Variants in ITGA8 observed in about 807,000 individuals in gnomAD.
ITGA8 encodes the protein integrin alpha-8.
A neutral mutation model predicts 142.3 loss-of-function variants in ITGA8; 91 were observed. The observed-to-expected ratio is 0.64, with a 90% CI of 0.54 to 0.76. The LOEUF (loss-of-function observed/expected upper bound fraction) is 0.76. Among genes scored for constraint, ITGA8 ranks in the 30% least tolerant of loss-of-function variants. ITGA8 has a pLI of 0.00. For missense variants in ITGA8, 1,406 were observed against 1,327.7 expected, an observed-to-expected ratio of 1.06 and a Z score of -0.92; for synonymous variants, 505 against 485.2, an observed-to-expected ratio of 1.04 and a Z score of -0.54.
chr10:15,631,052 T>C (rs549529567), intron 13 of ITGA8, among the ~76,000 whole-genome samples: 4 of 152,136 alleles, frequency 2.6e-5, no homozygotes, highest in Admixed American at 2.6e-4. Flanking sequence ...TTTAAGTTCC[T>C]TATAGATTCT....
At chr10:15,699,858 A>C (rs1219550847) in intron 2 of ITGA8, among the ~76,000 whole-genome samples, 1 of 152,172 alleles carries the variant, frequency 6.6e-6, no homozygotes, top group Non-Finnish European at 1.5e-5. Flanking sequence ...AGTCTAGATG[A>C]CCATGGAATG....
At chr10:15,531,505 A>T (rs1470465195) in intron 27 of ITGA8, among the ~76,000 whole-genome samples, 1 of 152,258 alleles carries the variant, frequency 6.6e-6, no homozygotes, top group Non-Finnish European at 1.5e-5. Context: ...AAAAACAGAA[A>T]ATCAGAGTCC....
In ITGA8 at chr10:15,544,306, A is replaced by C. The variant is rs531903586; in HGVS notation, c.2880+4149T>G. On this transcript the variant is annotated intron_variant, in intron 27 of 29. Transcript: ENST00000378076. ...TAGTGAGACCCTGTCTCTACCAAAA[A>C]AAAACAAAACAAAACAACAACAACA... 4.2e-4 allele frequency among the ~76,000 whole-genome samples: 64 copies of C among 152,164 alleles called. 1 individual carries two copies. The highest frequency in any genetic ancestry group is 3.4e-3 in the Middle Eastern group (1 of 294).
intron 11 of ITGA8, among the ~76,000 whole-genome samples, chr10:15,648,577 A>C (rs1834029525): frequency 6.6e-6 from 1 of 151,884 alleles, no homozygotes; most frequent in African/African-American, 2.4e-5. Flanking sequence ...TATGTATAAA[A>C]ATATATCTTA....
intron 2 of ITGA8, among the ~76,000 whole-genome samples, chr10:15,716,953 C>G (rs576890050): frequency 6.6e-6 from 1 of 152,288 alleles, no homozygotes; most frequent in South Asian, 2.1e-4. Flanking sequence ...TAAGCCACCA[C>G]GCCTGGCCTA....
intron 8 of ITGA8, among the ~76,000 whole-genome samples, chr10:15,666,627 T>C (rs375848878): frequency 3.9e-5 from 6 of 152,112 alleles, no homozygotes; most frequent in Admixed American, 3.3e-4. Flanking sequence ...CCAGTTTTTG[T>C]CCATTCAGTA....
chr10:15,680,446 G>A (rs1041420062), intron 4 of ITGA8, among the ~76,000 whole-genome samples: 1 of 151,520 alleles, frequency 6.6e-6, no homozygotes, highest in Admixed American at 6.6e-5. Context: ...ATGATTTATG[G>A]TCATGAATCC....
At chr10:15,671,519 T>G (rs1245985327) in intron 8 of ITGA8, 84 bp downstream of exon 8, 4 of 1,125,648 alleles carry the variant, frequency 3.6e-6, no homozygotes, top group Non-Finnish European at 5.4e-6. Context: ...GCAAATAAAA[T>G]CACATTGATA....
At chr10:15,694,205 T>TA (rs1196062242) in intron 2 of ITGA8, among the ~76,000 whole-genome samples, 1 of 142,434 alleles carries the variant, frequency 7.0e-6, no homozygotes, top group Non-Finnish European at 1.5e-5. Flanking sequence ...TAATATATCA[T>TA]ATATATGATA....
chr10:15,624,578 G>A (rs543381814), intron 13 of ITGA8, among the ~76,000 whole-genome samples: 11 of 152,160 alleles, frequency 7.2e-5, no homozygotes, highest in East Asian at 1.9e-4. Flanking sequence ...CTTCCCATTC[G>A]CCTTCATAAC....
At chr10:15,698,152 A>G (rs1259702401) in intron 2 of ITGA8, among the ~76,000 whole-genome samples, 1 of 152,196 alleles carries the variant, frequency 6.6e-6, no homozygotes, top group African/African-American at 2.4e-5. Context: ...CAGTGAGAAC[A>G]TACAATGTTT....
chr10:15,572,092 A>G lies in ITGA8; in HGVS notation c.2637+119T>C, dbSNP rs944620133. The G allele has an allele frequency of 4.1e-6, 3 of 728,856 alleles. No homozygotes were observed. In the African/African-American group the frequency reaches 5.3e-5, roughly 13 times the overall value. 45.1% of individuals were successfully genotyped at this position (728,856 alleles called of 1,614,324 possible). A position where few individuals can be genotyped will look rare whatever the true frequency, so the allele number is the denominator to read the frequency against. On this transcript the variant is annotated intron_variant, in intron 25 of 29. Coordinates refer to ENST00000378076, the MANE Select transcript of ITGA8 (RefSeq NM_003638.3). ...ACTATAAAATGAAAAGTTCTGATCAATGATCACTGAAGCAACTTAAAACGA... is the reference window on the plus strand; with the variant it reads ...ACTATAAAATGAAAAGTTCTGATCAGTGATCACTGAAGCAACTTAAAACGA...
intron 23 of ITGA8, among the ~76,000 whole-genome samples, chr10:15,580,126 T>TAAAAAAAAAAAAAAAAAAAAAAAAAAAGG (rs35286236): frequency 9.2e-6 from 1 of 108,900 alleles, no homozygotes; most frequent in Non-Finnish European, 1.8e-5. Flanking sequence ...TCAGAAAATG[T>TAAAAAAAAAAAAAAAAAAAAAAAAAAAGG]AAAAAAAAAA....
intron 24 of ITGA8, 85 bp from the exon 25 acceptor site, chr10:15,572,454 G>C (rs1834204063): frequency 8.1e-7 from 1 of 1,233,020 alleles, no homozygotes; most frequent in South Asian, 1.6e-5. Context: ...ACCCATTTTA[G>C]AAAGCATGTA....
chr10:15,685,902 C>G (rs1588723297), intron 3 of ITGA8, among the ~76,000 whole-genome samples: 1 of 152,138 alleles, frequency 6.6e-6, no homozygotes. Flanking sequence ...AACGAGAAAT[C>G]CTCGTCAAGT....
chr10:15,633,994 G>A (rs1833727928), intron 13 of ITGA8, among the ~76,000 whole-genome samples: 1 of 152,068 alleles, frequency 6.6e-6, no homozygotes, highest in South Asian at 2.1e-4. Context: ...TTTTATGACT[G>A]TGGCAAGAAC....
At chr10:15,558,369 C>G (rs575551737) in intron 25 of ITGA8, among the ~76,000 whole-genome samples, 167 bp from the exon 26 acceptor site, 2 of 152,242 alleles carry the variant, frequency 1.3e-5, no homozygotes, top group South Asian at 4.1e-4. Context: ...ATGACCTGCA[C>G]GCACAAGGAA....
intron 28 of ITGA8, among the ~76,000 whole-genome samples, chr10:15,526,199 G>A (rs1401894832): frequency 5.3e-5 from 8 of 149,658 alleles, no homozygotes; most frequent in East Asian, 3.9e-4. Flanking sequence ...TTTTTGAGAC[G>A]GAGTTGTGCT....
At chr10:15,550,304 G>A (rs1044838116) in intron 26 of ITGA8, among the ~76,000 whole-genome samples, 17 of 152,128 alleles carry the variant, frequency 1.1e-4, no homozygotes, top group Non-Finnish European at 2.2e-4. Context: ...GTCTTTATCA[G>A]CAGCGTGAAA....
Sources: gnomAD v4.1 joint callset for allele counts (sites outside exome capture counted in the v4.1 genomes callset) on GRCh38, gnomAD v4.1.1 for gene constraint, MANE v1.5 for transcripts, NCBI Gene and HGNC (gene_info 2026-07-23, HGNC 2026-07-21) for gene names.